NSRP1: variants seen among roughly 807,000 people sequenced by gnomAD.
NSRP1 encodes nuclear speckle splicing regulatory protein 1.
In NSRP1, 24 loss-of-function variants were observed where a neutral mutation model predicts 54.7. That is an observed-to-expected ratio of 0.44 (90% CI 0.32 to 0.62). The LOEUF (loss-of-function observed/expected upper bound fraction) is 0.62. Ranked by LOEUF, NSRP1 falls within the 20% of genes least tolerant of loss-of-function variation. NSRP1 has a pLI of 0.06. For synonymous variants in NSRP1, 210 were observed against 213.8 expected, an observed-to-expected ratio of 0.98 and a Z score of 0.15; for missense variants, 596 against 651.2, an observed-to-expected ratio of 0.92 and a Z score of 0.92.
chr17:30,122,816 T>C (rs895713566), intron 2 of NSRP1, among the ~76,000 whole-genome samples: 6 of 152,184 alleles, frequency 3.9e-5, no homozygotes, highest in African/African-American at 1.2e-4. Flanking sequence ...CTAACATTTC[T>C]TTTTTATTGT....
chr17:30,163,232 TG>T (rs1904596968), intron 2 of NSRP1: 1 of 147,054 alleles, frequency 6.8e-6, no homozygotes, highest in African/African-American at 2.6e-5. Context: ...TGTGTGTGTG[TG>T]TGTGTGTGTG....
intron 2 of NSRP1, among the ~76,000 whole-genome samples, chr17:30,154,851 T>C (rs906710540): frequency 6.6e-6 from 1 of 152,212 alleles, no homozygotes; most frequent in East Asian, 1.9e-4. Context: ...AAATCCAAAA[T>C]GCTTCTTTGA....
intron 2 of NSRP1, among the ~76,000 whole-genome samples, chr17:30,140,123 C>G (rs1409157936): frequency 6.6e-6 from 1 of 152,176 alleles, no homozygotes; most frequent in African/African-American, 2.4e-5. Context: ...GAACATAGAG[C>G]ACATACGAGA....
intron 2 of NSRP1, among the ~76,000 whole-genome samples, chr17:30,126,599 T>A (rs954982849): frequency 6.6e-6 from 1 of 152,228 alleles, no homozygotes; most frequent in African/African-American, 2.4e-5. Context: ...GCTTCGTATT[T>A]ATTTTTTGAA....
At chr17:30,151,247 C>A (rs2071906663) in intron 2 of NSRP1, among the ~76,000 whole-genome samples, 1 of 152,016 alleles carries the variant, frequency 6.6e-6, no homozygotes, top group Non-Finnish European at 1.5e-5. Flanking sequence ...TTATGGGCTG[C>A]AAGTTCCATA....
chr17:30,147,745 G>A (rs2071870379), intron 2 of NSRP1, among the ~76,000 whole-genome samples: 8 of 152,026 alleles, frequency 5.3e-5, no homozygotes, highest in African/African-American at 1.7e-4. Context: ...TTACAGGTGT[G>A]AGCCAGTGCG....
intron 2 of NSRP1, among the ~76,000 whole-genome samples, chr17:30,141,079 CCAAAGGGATTA>C (rs2071801001): frequency 6.6e-6 from 1 of 152,126 alleles, no homozygotes; most frequent in Non-Finnish European, 1.5e-5. Context: ...CTTTGACTTC[CCAAAGGGATTA>C]TAAGCATCAG....
rs1555579107 is a variant in NSRP1, at chr17:30,144,269, A to ATTATTT, written c.114+26098_114+26099insATTTTT. 2.2e-5 allele frequency: 3 copies of ATTATTT among 138,470 alleles called. No homozygotes were observed. The South Asian group carries it at 6.8e-4, about 31-fold the overall frequency. 8.6% of individuals were successfully genotyped at this position (138,470 alleles called of 1,614,324 possible). The stretch of plus-strand genomic sequence containing the variant: ...GATTATTATTATTATTATTATTATT[A>ATTATTT]TTTTTTTTTGAAGCAGAGTCTCACT... On this transcript the variant is annotated intron_variant, in intron 2 of 6. Transcript: ENST00000247026.
intron 2 of NSRP1, among the ~76,000 whole-genome samples, chr17:30,139,990 C>G (rs2071788811): frequency 6.6e-6 from 1 of 152,170 alleles, no homozygotes. Flanking sequence ...CACCACTGCA[C>G]TCCAGCCTGG....
chr17:30,181,671 C>T (rs1226190891), intron 6 of NSRP1, among the ~76,000 whole-genome samples: 5 of 148,344 alleles, frequency 3.4e-5, no homozygotes, highest in Admixed American at 6.8e-5. Flanking sequence ...AGTGCAATGG[C>T]GCGATCTCTG....
chr17:30,166,563 A>G (rs1407700017), intron 2 of NSRP1, among the ~76,000 whole-genome samples: 3 of 152,188 alleles, frequency 2.0e-5, no homozygotes, highest in South Asian at 2.1e-4. Context: ...TATGAATGCA[A>G]TGCTTAGTGA....
chr17:30,139,605 G>T (rs965835715), intron 2 of NSRP1, among the ~76,000 whole-genome samples: 3 of 151,856 alleles, frequency 2.0e-5, no homozygotes, highest in Non-Finnish European at 4.4e-5. Flanking sequence ...TTCTAATCTG[G>T]TGTTGATTTT....
At chr17:30,139,365 C>T (rs1191971488) in intron 2 of NSRP1, among the ~76,000 whole-genome samples, 1 of 152,070 alleles carries the variant, frequency 6.6e-6, no homozygotes, top group Non-Finnish European at 1.5e-5. Context: ...CTTTCCTGTA[C>T]AAGTTTTTAA....
intron 3 of NSRP1, among the ~76,000 whole-genome samples, chr17:30,173,879 G>T (rs1010072030): frequency 6.6e-6 from 1 of 152,174 alleles, no homozygotes; most frequent in African/African-American, 2.4e-5. Flanking sequence ...TGGCACAGAA[G>T]GATATATTTA....
chr17:30,152,264 A>T (rs1053546683), intron 2 of NSRP1, among the ~76,000 whole-genome samples: 2 of 151,878 alleles, frequency 1.3e-5, no homozygotes, highest in African/African-American at 4.8e-5. Flanking sequence ...CTGGGACTAC[A>T]GGCATGCACC....
intron 2 of NSRP1, among the ~76,000 whole-genome samples, chr17:30,164,482 T>G (rs554419004): frequency 1.3e-5 from 2 of 152,244 alleles, no homozygotes; most frequent in African/African-American, 4.8e-5. Context: ...CTCCCTAAAT[T>G]TAAAACTAAC....
At chr17:30,125,247 C>G (rs997186459) in intron 2 of NSRP1, among the ~76,000 whole-genome samples, 1 of 152,076 alleles carries the variant, frequency 6.6e-6, no homozygotes, top group Non-Finnish European at 1.5e-5. Context: ...ATTAAAATCT[C>G]TTTCATAATT....
At chr17:30,128,843 A>G (rs1202213659) in intron 2 of NSRP1, among the ~76,000 whole-genome samples, 1 of 152,108 alleles carries the variant, frequency 6.6e-6, no homozygotes, top group African/African-American at 2.4e-5. Flanking sequence ...TGTTATAGAT[A>G]AAAGGAAAAA....
chr17:30,184,145 T>C (rs528293865), intron 6 of NSRP1, among the ~76,000 whole-genome samples: 2 of 152,314 alleles, frequency 1.3e-5, no homozygotes, highest in East Asian at 1.9e-4. Flanking sequence ...GAGGTTGCAG[T>C]GAACCGAGAT....
Sources: allele counts gnomAD v4.1 joint callset (sites outside exome capture counted in the v4.1 genomes callset), GRCh38; gene constraint gnomAD v4.1.1; transcripts MANE v1.5; gene names NCBI Gene and HGNC (gene_info 2026-07-23, HGNC 2026-07-21).